Variants in ZNF337 observed in about 807,000 individuals in gnomAD.
ZNF337 encodes the protein zinc finger protein 337.
A neutral mutation model predicts 12.1 loss-of-function variants in ZNF337; 8 were observed. That is an observed-to-expected ratio of 0.66 (90% CI 0.39 to 1.19). The LOEUF (loss-of-function observed/expected upper bound fraction) is 1.19, where lower values mean the gene tolerates loss of function less well. Among genes scored for constraint, ZNF337 ranks in the 50% most tolerant of loss-of-function variants. The probability of loss-of-function intolerance (pLI) is 0.01; values close to 1 mark genes in which losing one functional copy is unlikely to be tolerated. For missense variants in ZNF337, 882 were observed against 896.6 expected (o/e 0.98, Z 0.21); for synonymous variants, 336 against 320.0 (o/e 1.05, Z -0.53).
intron 1 of ZNF337, among the ~76,000 whole-genome samples, chr20:25,695,358 C>G (rs777662535): frequency 6.6e-6 from 1 of 152,180 alleles, no homozygotes; most frequent in Non-Finnish European, 1.5e-5. Context: ...GAGGCTTCAT[C>G]TACATAATAA....
chr20:25,678,868 G>A (rs1025764686), intron 4 of ZNF337, among the ~76,000 whole-genome samples: 1 of 152,152 alleles, frequency 6.6e-6, no homozygotes, highest in Non-Finnish European at 1.5e-5. Context: ...CTTAAGCCCA[G>A]GAGTTAGAGG....
Position 25,676,303 on chromosome 20 carries a change from A to G in ZNF337, c.985T>C (p.Tyr329His). The change falls in exon 5 of 5, where the codon TAT becomes CAT. Residue 329 changes from tyrosine to histidine, a missense_variant. Coordinates refer to ENST00000252979, the MANE Select transcript of ZNF337 (RefSeq NM_015655.4). The stretch of plus-strand genomic sequence containing the variant: ...ACAACGAAGTATGACTTATTAGTAT[A>G]GCCTCGCCCACACTCCTTGCACACA... ...PFVCKECGRG[Y>H]TNKSYFVVHK... The G allele has an allele frequency of 6.2e-7, 1 of 1,614,094 alleles. No homozygotes were observed. The highest frequency in any genetic ancestry group is 2.2e-5 in the East Asian group (1 of 44,874).
chr20:25,682,974 A>G (rs2065785311), intron 4 of ZNF337, among the ~76,000 whole-genome samples: 1 of 152,222 alleles, frequency 6.6e-6, no homozygotes, highest in Admixed American at 6.5e-5. Context: ...ATCTGTCCAC[A>G]CATTCTCCAA....
At chr20:25,677,109 T>G (rs981441) in intron 4 of ZNF337, 72 bp from the exon 5 acceptor site, 90,477 of 1,252,582 alleles carry the variant, frequency 0.072, 9,216 homozygotes, top group African/African-American at 0.47. Context: ...CCCAGAACCA[T>G]ATTGCTTTAC....
Position 25,673,370 on chromosome 20 carries a change from G to C in ZNF337, c.*1662C>G, listed in dbSNP as rs967276760. Among the ~76,000 whole-genome samples the C allele has an allele frequency of 6.6e-6, 1 of 152,160 alleles. No individual in the cohort carries two copies. Among genetic ancestry groups the C allele is most frequent in the African/African-American group, 2.4e-5 (1 of 41,432 alleles). ...ATGTATCTTCCCTGTGCTGGACAAGGGTTGTGTGCAGCTATGTAGGGCACA... is the reference window on the plus strand; with the variant it reads ...ATGTATCTTCCCTGTGCTGGACAAGCGTTGTGTGCAGCTATGTAGGGCACA... On this transcript the variant is annotated 3_prime_UTR_variant, in exon 5 of 5. Transcript: ENST00000252979.
At chr20:25,690,067 C>T (rs1172699939) in intron 1 of ZNF337, among the ~76,000 whole-genome samples, 2 of 152,164 alleles carry the variant, frequency 1.3e-5, no homozygotes, top group Non-Finnish European at 2.9e-5. Context: ...ATGTGGATCG[C>T]TTGATCCCAG....
chr20:25,686,589 G>A (rs2065835995), intron 1 of ZNF337, 123 bp from the exon 2 acceptor site: 2 of 715,262 alleles, frequency 2.8e-6, no homozygotes, highest in African/African-American at 1.8e-5. Flanking sequence ...TTCCCCTGTG[G>A]GGATCTGGCC....
In ZNF337 at chr20:25,685,920, G is replaced by A. The variant is rs535440751; in HGVS notation, c.154+76C>T. On this transcript the variant is annotated intron_variant, in intron 3 of 4. Coordinates refer to ENST00000252979, the MANE Select transcript of ZNF337 (RefSeq NM_015655.4). ...GGGGAATAGAGAAAACAACATTCTTGTCTCTGAACCTAACCCTATGGCAAC... is the reference window on the plus strand; with the variant it reads ...GGGGAATAGAGAAAACAACATTCTTATCTCTGAACCTAACCCTATGGCAAC... 7.8e-6 allele frequency: 12 copies of A among 1,539,234 alleles called. No individual in the cohort carries two copies. In the South Asian group the frequency reaches 1.4e-4, roughly 18 times the overall value.
At chr20:25,694,883 G>A (rs1429642529) in intron 1 of ZNF337, among the ~76,000 whole-genome samples, 3 of 152,148 alleles carry the variant, frequency 2.0e-5, no homozygotes, top group East Asian at 1.9e-4. Flanking sequence ...GGATAGCCCC[G>A]CAAAGCTATC....
At chr20:25,681,352 C>T (rs6115253) in intron 4 of ZNF337, 1 of 152,248 alleles carries the variant, frequency 6.6e-6, no homozygotes, top group African/African-American at 2.4e-5. Context: ...AAGCAGAGAC[C>T]TTATGCACGT....
rs745516042 is a variant in ZNF337, at chr20:25,676,753, C to T, written c.535G>A (p.Ala179Thr). 3.7e-5 allele frequency: 60 copies of T among 1,614,096 alleles called. No individual in the cohort carries two copies. In the East Asian group the frequency reaches 6.5e-4, roughly 17 times the overall value. The change falls in exon 5 of 5, where the codon GCA (alanine) becomes ACA (threonine). Residue 179 changes from alanine to threonine, a missense_variant. By Grantham distance (58) the Ala-to-Thr change is moderately conservative. Transcript: ENST00000252979. ...TGCCCACGCTCTGCACACTTGAATG[C>T]TCCCCATCTTGAATTTTCTATTCCT... is the stretch of plus-strand genomic sequence containing the variant. The part of the protein sequence containing the change: ...LKGIENSRWG[A>T]FKCAERGQDF...
intron 3 of ZNF337, 68 bp from the exon 4 acceptor site, chr20:25,685,730 C>T: frequency 1.4e-6 from 2 of 1,417,178 alleles, no homozygotes; most frequent in South Asian, 2.3e-5. Flanking sequence ...TTGCTGGAGC[C>T]ACCCAGGGCA....
At chr20:25,694,288 A>T (rs1016781889) in intron 1 of ZNF337, among the ~76,000 whole-genome samples, 3 of 152,178 alleles carry the variant, frequency 2.0e-5, no homozygotes, top group Non-Finnish European at 4.4e-5. Context: ...CCTTTCTCAA[A>T]GCAACACAGC....
At chr20:25,695,906 T>C (rs1299837149) in intron 1 of ZNF337, among the ~76,000 whole-genome samples, 1 of 152,104 alleles carries the variant, frequency 6.6e-6, no homozygotes, top group African/African-American at 2.4e-5. Context: ...CTCGGGCACT[T>C]TCACAGGACC....
chr20:25,675,593 T>C lies in ZNF337; in HGVS notation c.1695A>G (p.Thr565=). Residue 565 remains threonine (T), a synonymous_variant, in exon 5 of 5, where the codon ACA becomes ACG. Transcript: ENST00000252979. ...AATTAAATGGCCTTTCCCCCGAGTG[T>C]GTCCACTGATGTCTAAGAAGATTTG... ...LKANLLRHQW[T]HSGERPFNCK... The C allele has an allele frequency of 3.1e-6, 5 of 1,614,030 alleles. No homozygotes were observed. Among genetic ancestry groups the C allele is most frequent in the South Asian group, 2.2e-5 (2 of 91,074 alleles).
At chr20:25,694,164 G>C (rs1410223893) in intron 1 of ZNF337, among the ~76,000 whole-genome samples, 2 of 152,164 alleles carry the variant, frequency 1.3e-5, no homozygotes, top group South Asian at 2.1e-4. Context: ...TATATGCCAG[G>C]GACGGTTCCA....
chr20:25,694,081 T>C (rs754399817), intron 1 of ZNF337, among the ~76,000 whole-genome samples: 3 of 152,196 alleles, frequency 2.0e-5, no homozygotes, highest in Non-Finnish European at 4.4e-5. Context: ...AAACACAGCA[T>C]ATCCTGTCGG....
At position 25,676,973 on chromosome 20, in the gene ZNF337, T is replaced by C. The variant is rs545779435; in HGVS notation, c.315A>G (p.Gln105=). 2.5e-6 allele frequency: 4 copies of C among 1,614,104 alleles called. No homozygotes were observed. In the African/African-American group the frequency reaches 4.0e-5, roughly 16 times the overall value. ...NLGLAHQRQQ[Q]LQFSDQSFQS... ...GGAAGCTTTGATCAGAAAATTGTAG[T>C]TGCTGTTGCCTCTGATGTGCAAGTC... Residue 105 remains glutamine, a synonymous_variant, in exon 5 of 5, where the codon CAA becomes CAG. Coordinates refer to ENST00000252979, the MANE Select transcript of ZNF337 (RefSeq NM_015655.4).
chr20:25,683,353 T>A (rs2065790170), intron 4 of ZNF337, among the ~76,000 whole-genome samples: 1 of 151,662 alleles, frequency 6.6e-6, no homozygotes, highest in Non-Finnish European at 1.5e-5. Context: ...AGGCAGTACA[T>A]CTGGGGGAAA....
Sources: allele counts gnomAD v4.1 joint callset (sites outside exome capture counted in the v4.1 genomes callset), GRCh38; gene constraint gnomAD v4.1.1; transcripts MANE v1.5; gene names NCBI Gene and HGNC (gene_info 2026-07-23, HGNC 2026-07-21).